The following MIER2 variants were observed in gnomAD, a reference collection of about 807,000 sequenced individuals.
MIER2 encodes the protein mesoderm induction early response protein 2.
Under a neutral mutation model 67.6 loss-of-function variants are expected in MIER2, and 30 were observed. That is an observed-to-expected ratio of 0.44 (90% CI 0.33 to 0.60). MIER2 has a LOEUF of 0.60. MIER2 is among the 20% of genes least tolerant of loss of function. MIER2 has a pLI of 0.02. For synonymous variants in MIER2, 372 were observed against 312.6 expected (o/e 1.19, Z -2.00); for missense variants, 702 against 745.1 (o/e 0.94, Z 0.67).
At chr19:343,862 C>G (rs746358049) in intron 1 of MIER2, 2 of 985,446 alleles carry the variant, frequency 2.0e-6, no homozygotes, top group Non-Finnish European at 2.4e-6. Flanking sequence ...CAAGTCCACA[C>G]AGGCTCATCC....
intron 7 of MIER2, among the ~76,000 whole-genome samples, chr19:317,912 A>G (rs1254167114): frequency 6.6e-6 from 1 of 152,034 alleles, no homozygotes; most frequent in East Asian, 1.9e-4. Context: ...ACAATTAAAA[A>G]TAAGATCTAG....
chr19:321,358 T>G (rs988757008), intron 7 of MIER2, among the ~76,000 whole-genome samples: 12 of 152,100 alleles, frequency 7.9e-5, no homozygotes, highest in African/African-American at 1.7e-4. Context: ...GAAAATCAAT[T>G]TATGGGCCGG....
At chr19:344,334 C>A in intron 1 of MIER2, 1 of 984,734 alleles carries the variant, frequency 1.0e-6, no homozygotes, top group Non-Finnish European at 1.2e-6. Flanking sequence ...GAGCGCGGGG[C>A]GCCTGGCGGC....
In MIER2 at chr19:331,850, A is replaced by G. The variant is rs143899761; in HGVS notation, c.243+2550T>C. 8.9e-4 allele frequency among the ~76,000 whole-genome samples: 134 copies of G among 150,462 alleles called. 2 individuals are homozygous for G. The East Asian group carries it at 0.018, about 20-fold the overall frequency. On this transcript the variant is annotated intron_variant, in intron 3 of 13. Coordinates refer to ENST00000264819, the MANE Select transcript of MIER2 (RefSeq NM_017550.3). Reference sequence around the variant, plus strand: ...ACAAAAATTTGCCGGGCGTGGTGGCATGCACCTGTGGTCCCAGCTACTCGG... The same window carrying G: ...ACAAAAATTTGCCGGGCGTGGTGGCGTGCACCTGTGGTCCCAGCTACTCGG...
At chr19:326,811 G>A (rs988153426) in intron 5 of MIER2, 2 of 589,820 alleles carry the variant, frequency 3.4e-6, no homozygotes, top group East Asian at 2.8e-5. Context: ...CTGCACCTCT[G>A]GGCCCCGAGC....
intron 3 of MIER2, among the ~76,000 whole-genome samples, chr19:329,852 G>A (rs185490599): frequency 4.5e-3 from 552 of 123,500 alleles, no homozygotes; most frequent in Non-Finnish European, 6.3e-3. Context: ...GGTGACGAGA[G>A]CAATACTCCG....
chr19:325,087 G>A (rs1287145696), intron 7 of MIER2, among the ~76,000 whole-genome samples: 4 of 152,226 alleles, frequency 2.6e-5, no homozygotes, highest in Non-Finnish European at 2.9e-5. Flanking sequence ...CTGGCCCAGG[G>A]CCTGCAAGGG....
chr19:326,008 C>T (rs1600149456), intron 6 of MIER2, among the ~76,000 whole-genome samples: 1 of 152,342 alleles, frequency 6.6e-6, no homozygotes, highest in East Asian at 1.9e-4. Context: ...CACCTGTGGC[C>T]GGTCCCAGCC....
intron 7 of MIER2, among the ~76,000 whole-genome samples, chr19:316,167 T>G (rs1218287008): frequency 6.6e-6 from 1 of 152,208 alleles, no homozygotes; most frequent in East Asian, 1.9e-4. Context: ...GCACAAGGCC[T>G]ATTACAAAGG....
chr19:306,990 C>G, intron 13 of MIER2, 129 bp downstream of exon 13: 4 of 1,138,048 alleles, frequency 3.5e-6, no homozygotes, highest in Non-Finnish European at 4.9e-6. Context: ...ACACTGAGAG[C>G]CTGCTCGTGG....
chr19:312,310 C>T (rs1350676435), intron 8 of MIER2, 38 bp from the exon 9 acceptor site: 16 of 1,594,316 alleles, frequency 1.0e-5, no homozygotes, highest in Middle Eastern at 1.7e-4. Context: ...ATGGGCTCAG[C>T]GCAGGAGCCG....
chr19:308,837 C>T lies in MIER2; in HGVS notation c.1073G>A (p.Arg358Gln), dbSNP rs562303807. Residue 358 changes from arginine (R) to glutamine (Q), a missense_variant, in exon 11 of 14, where the codon CGG (arginine) becomes CAG (glutamine). By Grantham distance (43) the Arg-to-Gln change is conservative. Around this residue, in one of 3 missense-constraint regions of MIER2, gnomAD observed 128 missense variants for 189.7 expected, o/e 0.67. Coordinates refer to ENST00000264819, the MANE Select transcript of MIER2 (RefSeq NM_017550.3). The surrounding 1 kb of genome is among the most constrained non-coding windows in gnomAD (Gnocchi z 9.1). ...ERYDYFAQQT[R>Q]LGRRKYVPSG... ...CGGGACGTACTTCCTCCGGCCCAGCCGCGTCTGCTGGGCGAAGTAGTCGTA... is the reference window on the plus strand; with the variant it reads ...CGGGACGTACTTCCTCCGGCCCAGCTGCGTCTGCTGGGCGAAGTAGTCGTA... 1.2e-6 allele frequency: 2 copies of T among 1,609,528 alleles called. No individual in the cohort carries two copies. Among genetic ancestry groups the T allele is most frequent in the South Asian group, 1.1e-5 (1 of 91,034 alleles).
chr19:334,862 C>G (rs1218374340), intron 2 of MIER2, among the ~76,000 whole-genome samples: 1 of 152,124 alleles, frequency 6.6e-6, no homozygotes, highest in Non-Finnish European at 1.5e-5. Flanking sequence ...ACACCCATCT[C>G]GTTAGGGTAG....
intron 2 of MIER2, among the ~76,000 whole-genome samples, 190 bp downstream of exon 2, chr19:335,893 A>C (rs902712909): frequency 6.6e-6 from 1 of 152,074 alleles, no homozygotes; most frequent in South Asian, 2.1e-4. Context: ...GCCCCTGCTA[A>C]AGAACAGGAA....
intron 3 of MIER2, 98 bp from the exon 4 acceptor site, chr19:328,087 C>T: frequency 6.5e-7 from 1 of 1,528,564 alleles, no homozygotes; most frequent in East Asian, 2.4e-5. Flanking sequence ...ACAACCAGGG[C>T]CACTCTGTCA....
Position 336,092 on chromosome 19 carries a change from T to C in MIER2, c.91A>G (p.Thr31Ala), listed in dbSNP as rs1395846271. Residue 31 changes from threonine to alanine, a missense_variant, in exon 2 of 14, where the codon ACA becomes GCA. Around this residue, in one of 3 missense-constraint regions of MIER2, gnomAD observed 320 missense variants for 292.6 expected, o/e 1.09. Transcript: ENST00000264819. ...SLCPGEPGLQ[T>A]TAVVSMGSGD... ...GGAGGGAGGAAGGTACCTGCTGTTGTCTGCAAGCCCGGCTCCCCTGGGCAC... is the reference window on the plus strand; with the variant it reads ...GGAGGGAGGAAGGTACCTGCTGTTGCCTGCAAGCCCGGCTCCCCTGGGCAC... 2 of 1,613,722 alleles carry C rather than the reference T, an allele frequency of 1.2e-6. No homozygotes were observed.
intron 12 of MIER2, among the ~76,000 whole-genome samples, 158 bp from the exon 13 acceptor site, chr19:307,694 G>A (rs190726740): frequency 5.5e-4 from 84 of 152,282 alleles, no homozygotes; most frequent in African/African-American, 1.8e-3. Context: ...TGAAATCCGC[G>A]AGCCCCAGGT....
At chr19:324,301 GAC>G (rs1386849499) in intron 7 of MIER2, among the ~76,000 whole-genome samples, 10 of 123,710 alleles carry the variant, frequency 8.1e-5, no homozygotes, top group Non-Finnish European at 1.4e-4. Context: ...CAATACACAA[GAC>G]ACACACAACC....
intron 7 of MIER2, among the ~76,000 whole-genome samples, chr19:319,114 C>A (rs1236469130): frequency 6.6e-6 from 1 of 151,104 alleles, no homozygotes; most frequent in Non-Finnish European, 1.5e-5. Context: ...GTAATCCCAG[C>A]TCTTTGGGAG....
Sources: allele counts gnomAD v4.1 joint callset (sites outside exome capture counted in the v4.1 genomes callset), GRCh38; gene constraint gnomAD v4.1.1; regional missense constraint gnomAD v4.1.1; non-coding constraint Gnocchi (gnomAD v3.1); transcripts MANE v1.5; gene names NCBI Gene and HGNC (gene_info 2026-07-23, HGNC 2026-07-21).